Variants in SGMS1 observed in about 807,000 individuals in gnomAD.
The protein encoded by SGMS1 is phosphatidylcholine:ceramide cholinephosphotransferase 1.
In SGMS1, 13 loss-of-function variants were observed where a neutral mutation model predicts 46.2. The observed-to-expected ratio is 0.28, with a 90% confidence interval of 0.18 to 0.45. SGMS1 has a LOEUF of 0.45. Among genes scored for constraint, SGMS1 ranks in the 20% least tolerant of loss-of-function variants. The pLI is 1.00. For missense variants in SGMS1, 324 were observed against 519.9 expected (o/e 0.62, Z 3.66); for synonymous variants, 203 against 187.8 (o/e 1.08, Z -0.66).
intron 3 of SGMS1, among the ~76,000 whole-genome samples, chr10:50,476,292 G>A (rs539361728): frequency 7.8e-6 from 1 of 127,806 alleles, no homozygotes; most frequent in South Asian, 3.0e-4. Context: ...AAAGGGAAGG[G>A]AAGGGAGGGG....
At chr10:50,344,931 C>T (rs1264690723) in intron 6 of SGMS1, among the ~76,000 whole-genome samples, 2 of 151,914 alleles carry the variant, frequency 1.3e-5, no homozygotes, top group Non-Finnish European at 2.9e-5. Context: ...CTTGACAGTG[C>T]TTTGGACACT....
chr10:50,488,230 T>G (rs1008495896), intron 3 of SGMS1, among the ~76,000 whole-genome samples: 1 of 151,904 alleles, frequency 6.6e-6, no homozygotes, highest in Non-Finnish European at 1.5e-5. Context: ...GCCAGGCTGG[T>G]CTCGAATTCC....
chr10:50,598,563 G>T (rs1031122308), intron 1 of SGMS1, among the ~76,000 whole-genome samples: 1 of 152,188 alleles, frequency 6.6e-6, no homozygotes, highest in Non-Finnish European at 1.5e-5. Flanking sequence ...CAGTTGTGGA[G>T]AAGGGGTGAA....
At chr10:50,399,468 G>C (rs1429561851) in intron 6 of SGMS1, among the ~76,000 whole-genome samples, 1 of 152,150 alleles carries the variant, frequency 6.6e-6, no homozygotes, top group Non-Finnish European at 1.5e-5. Context: ...TACAGAAGTG[G>C]TGCAGTCCAT....
chr10:50,314,943 G>T (rs1847315775), intron 8 of SGMS1, among the ~76,000 whole-genome samples: 1 of 152,042 alleles, frequency 6.6e-6, no homozygotes, highest in Admixed American at 6.6e-5. Context: ...CAAAAAACTG[G>T]AAACAACCTA....
intron 2 of SGMS1, among the ~76,000 whole-genome samples, chr10:50,527,290 A>G (rs1194092357): frequency 4.6e-5 from 7 of 152,106 alleles, no homozygotes; most frequent in African/African-American, 9.7e-5. Flanking sequence ...TTAATCACCA[A>G]CACTTGTGGA....
chr10:50,343,972 G>T lies in SGMS1; in HGVS notation c.143C>A (p.Pro48His), dbSNP rs1184423571. Residue 48 changes from proline (P) to histidine (H), a missense_variant, in exon 7 of 11, where the codon CCC (proline) becomes CAC (histidine). By Grantham distance (77) the Pro-to-His change is moderately conservative (BLOSUM62 -2). Transcript: ENST00000361781. ...NLTQEDFKKPPLCRVSSDNGQ... is the reference protein window; with the variant it reads ...NLTQEDFKKPHLCRVSSDNGQ... ...ATTGTCAGAGGAGACTCGGCACAAG[G>T]GGGGTTTTTTGAAATCCTCTTGGGT... 1.2e-6 allele frequency: 2 copies of T among 1,614,032 alleles called. No individual in the cohort carries two copies. The highest frequency in any genetic ancestry group is 1.7e-6 in the Non-Finnish European group (2 of 1,180,030).
At chr10:50,414,704 C>G (rs1389103872) in intron 6 of SGMS1, among the ~76,000 whole-genome samples, 1 of 152,152 alleles carries the variant, frequency 6.6e-6, no homozygotes, top group Non-Finnish European at 1.5e-5. Context: ...GCTTTGGAGT[C>G]TCTATTCGTA....
intron 2 of SGMS1, among the ~76,000 whole-genome samples, chr10:50,551,039 C>T (rs1207421506): frequency 6.6e-6 from 1 of 152,066 alleles, no homozygotes; most frequent in African/African-American, 2.4e-5. Flanking sequence ...CAAGGAGAAG[C>T]GTAACTTCTC....
intron 2 of SGMS1, among the ~76,000 whole-genome samples, chr10:50,533,521 T>C (rs571635638): frequency 2.0e-4 from 31 of 152,286 alleles, no homozygotes; most frequent in African/African-American, 6.7e-4. Flanking sequence ...AGCTTTAACA[T>C]AGGAACTTGA....
At chr10:50,383,146 C>T (rs1848632066) in intron 6 of SGMS1, among the ~76,000 whole-genome samples, 1 of 151,920 alleles carries the variant, frequency 6.6e-6, no homozygotes, top group South Asian at 2.1e-4. Context: ...GTGTATTGTA[C>T]CTATTTTACA....
chr10:50,622,630 G>A (rs1838864468), intron 1 of SGMS1, among the ~76,000 whole-genome samples: 1 of 152,238 alleles, frequency 6.6e-6, no homozygotes, highest in African/African-American at 2.4e-5. Flanking sequence ...GCCTTCACTT[G>A]GTTTCGTAAG....
intron 2 of SGMS1, among the ~76,000 whole-genome samples, chr10:50,544,467 T>C (rs1373657803): frequency 1.3e-5 from 2 of 152,256 alleles, no homozygotes; most frequent in African/African-American, 4.8e-5. Flanking sequence ...CTTTACTTCA[T>C]TTGCATATGC....
chr10:50,446,240 C>G (rs971439730), intron 5 of SGMS1, among the ~76,000 whole-genome samples: 1 of 152,170 alleles, frequency 6.6e-6, no homozygotes, highest in South Asian at 2.1e-4. Flanking sequence ...GACCCACACC[C>G]TATTCATACA....
chr10:50,414,348 A>G (rs1209493088), intron 6 of SGMS1, among the ~76,000 whole-genome samples: 4 of 152,308 alleles, frequency 2.6e-5, no homozygotes, highest in African/African-American at 7.2e-5. Flanking sequence ...CGAGATCATG[A>G]TGCTGCACTC....
chr10:50,496,836 T>A (rs1305521059), intron 3 of SGMS1, among the ~76,000 whole-genome samples: 1 of 152,230 alleles, frequency 6.6e-6, no homozygotes, highest in Non-Finnish European at 1.5e-5. Flanking sequence ...GTGCCAGTAA[T>A]GTCACCCATC....
chr10:50,439,005 A>C (rs1401146116), intron 5 of SGMS1, among the ~76,000 whole-genome samples: 1 of 152,226 alleles, frequency 6.6e-6, no homozygotes, highest in Admixed American at 6.5e-5. Context: ...GAGCTATATT[A>C]AGACCCTATA....
intron 3 of SGMS1, among the ~76,000 whole-genome samples, chr10:50,497,520 C>A (rs921256077): frequency 6.6e-6 from 1 of 152,174 alleles, no homozygotes; most frequent in African/African-American, 2.4e-5. Context: ...TGGCCGGGCG[C>A]GGTGGCTCAC....
intron 3 of SGMS1, among the ~76,000 whole-genome samples, chr10:50,480,540 G>A (rs901084132): frequency 2.6e-5 from 4 of 152,154 alleles, no homozygotes; most frequent in Non-Finnish European, 5.9e-5. Flanking sequence ...CACAGGGCAA[G>A]GGGAACTCCC....
Sources: gnomAD v4.1 joint callset for allele counts (sites outside exome capture counted in the v4.1 genomes callset) on GRCh38, gnomAD v4.1.1 for gene constraint, MANE v1.5 for transcripts, NCBI Gene and HGNC (gene_info 2026-07-23, HGNC 2026-07-21) for gene names.